REPS2: variants seen among roughly 807,000 people sequenced by gnomAD.
REPS2 encodes the protein RALBP1 associated Eps domain containing 2.
A neutral mutation model predicts 53.6 loss-of-function variants in REPS2; 23 were observed. That is an observed-to-expected ratio of 0.43 (90% CI 0.31 to 0.61). REPS2 has a LOEUF of 0.61. Ranked by LOEUF, REPS2 falls within the 20% of genes least tolerant of loss-of-function variation. REPS2 has a pLI of 0.11. For synonymous variants in REPS2, 238 were observed against 218.6 expected, an observed-to-expected ratio of 1.09 and a Z score of -0.78; for missense variants, 446 against 534.9, an observed-to-expected ratio of 0.83 and a Z score of 1.64.
chrX:16,951,287 A>G (rs1478380653), intron 1 of REPS2, among the ~76,000 whole-genome samples: 2 of 111,633 alleles, frequency 1.8e-5, no homozygotes, highest in East Asian at 2.8e-4. Context: ...CCATTCTGCC[A>G]TTTTCCACCT....
At chrX:17,133,489 CT>C (rs111543905) in intron 14 of REPS2, among the ~76,000 whole-genome samples, 2,803 of 112,036 alleles carry the variant, frequency 0.025, 94 homozygotes, top group African/African-American at 0.088. Context: ...AAGTTAAAAT[CT>C]TTGTTTTCAA....
At chrX:17,034,131 A>C (rs2061739187) in intron 5 of REPS2, among the ~76,000 whole-genome samples, 1 of 110,793 alleles carries the variant, frequency 9.0e-6, no homozygotes, top group Admixed American at 9.6e-5. Context: ...TATGTGTGCA[A>C]CTCAGCCAGA....
At chrX:17,160,555 G>C in the REPS2 span, among the ~76,000 whole-genome samples, 1 of 112,682 alleles carries the variant, frequency 8.9e-6, no homozygotes, top group Non-Finnish European at 1.9e-5. Flanking sequence ...CTGTTGGCTT[G>C]CACCAAAAGG....
chrX:17,165,983 G>A, the REPS2 span, among the ~76,000 whole-genome samples: 2 of 111,937 alleles, frequency 1.8e-5, no homozygotes, highest in Non-Finnish European at 3.8e-5. Context: ...GCAAGCTGTG[G>A]CTTCTTCTAA....
chrX:17,118,505 T>C lies in REPS2; in HGVS notation c.1578+14726T>C, dbSNP rs144409734. Among the ~76,000 whole-genome samples the C allele has an allele frequency of 5.6e-4, 63 of 111,627 alleles. 1 individual carries two copies. Among genetic ancestry groups the C allele is most frequent in the African/African-American group, 2.0e-3 (62 of 30,692 alleles). ...GCATATCATTTTATGTAAGGGGAAG[T>C]TGAGATTCAGAGAGCAGAAGTTAAC... On this transcript the variant is annotated intron_variant, in intron 14 of 17. Transcript: ENST00000357277.
chrX:16,965,116 G>C (rs765653910), intron 1 of REPS2, among the ~76,000 whole-genome samples: 1 of 86,303 alleles, frequency 1.2e-5, no homozygotes, highest in Non-Finnish European at 2.3e-5. Flanking sequence ...CCTCCCGGAC[G>C]GGGCGGCTGG....
At chrX:17,023,168 C>T (rs1242000537) in intron 3 of REPS2, among the ~76,000 whole-genome samples, 4 of 112,703 alleles carry the variant, frequency 3.5e-5, no homozygotes, top group East Asian at 2.8e-4. Flanking sequence ...TGGCTCACGC[C>T]TGTAATCCCA....
the REPS2 span, among the ~76,000 whole-genome samples, chrX:17,158,900 ATT>A: frequency 1.8e-5 from 2 of 111,888 alleles, no homozygotes; most frequent in Non-Finnish European, 3.8e-5. Flanking sequence ...ACATTTTCTC[ATT>A]CTTTACCTGA....
intron 5 of REPS2, among the ~76,000 whole-genome samples, chrX:17,030,329 G>A (rs1467794273): frequency 2.7e-5 from 3 of 110,245 alleles, no homozygotes; most frequent in African/African-American, 6.7e-5. Flanking sequence ...GTGTGTGTGT[G>A]TGTGTGTGTG....
the REPS2 span, among the ~76,000 whole-genome samples, chrX:17,182,658 T>C: frequency 1.3e-4 from 15 of 111,856 alleles, no homozygotes; most frequent in African/African-American, 4.9e-4. Flanking sequence ...AATAAAATTA[T>C]TTTTGTCCAT....
intron 14 of REPS2, among the ~76,000 whole-genome samples, chrX:17,119,868 C>CTTTTTTTTTTTTTTTTTTTTTTTTTT (rs35141257): frequency 2.5e-5 from 1 of 40,509 alleles, no homozygotes; most frequent in African/African-American, 1.2e-4. Flanking sequence ...CGCACTGTGA[C>CTTTTTTTTTTTTTTTTTTTTTTTTTT]TTTTTTTTTT....
chrX:16,947,054 C>T lies in REPS2; in HGVS notation c.193C>T (p.Pro65Ser). The T allele has an allele frequency of 9.6e-7, 1 of 1,036,803 alleles. No individual in the cohort carries two copies. Among genetic ancestry groups the T allele is most frequent in the Non-Finnish European group, 1.2e-6 (1 of 812,934 alleles). 85.4% of individuals were successfully genotyped at this position (1,036,803 alleles called of 1,213,427 possible). A position where few individuals can be genotyped will look rare whatever the true frequency, so the allele number is the denominator to read the frequency against. Residue 65 changes from proline (P) to serine (S), a missense_variant, in exon 1 of 18, where the codon CCC (proline) becomes TCC (serine). Pro to Ser is a moderately conservative substitution (Grantham distance 74, BLOSUM62 -1). Coordinates refer to ENST00000357277, the MANE Select transcript of REPS2 (RefSeq NM_004726.3). ...SGPPEAARVA[P>S]GTATAAAGPV... ...GCCCCCCGAGGCCGCCAGAGTCGCCCCCGGCACGGCCACTGCGGCCGCCGG... is the reference window on the plus strand; with the variant it reads ...GCCCCCCGAGGCCGCCAGAGTCGCCTCCGGCACGGCCACTGCGGCCGCCGG...
chrX:17,069,313 C>A (rs2062271817), intron 10 of REPS2, among the ~76,000 whole-genome samples: 1 of 112,057 alleles, frequency 8.9e-6, no homozygotes, highest in African/African-American at 3.2e-5. Context: ...GATTTACTAC[C>A]CATGAATGAG....
chrX:16,949,723 A>G (rs940456697), intron 1 of REPS2, among the ~76,000 whole-genome samples: 1 of 111,512 alleles, frequency 9.0e-6, no homozygotes, highest in African/African-American at 3.3e-5. Flanking sequence ...ATATTTTTTA[A>G]TAGACTATTT....
Position 16,950,064 on chromosome X carries a change from AT to A in REPS2, c.273+2946del, listed in dbSNP as rs765500800. Among the ~76,000 whole-genome samples the A allele has an allele frequency of 9.9e-3, 957 of 96,263 alleles. 5 individuals carry two copies. The highest frequency in any genetic ancestry group is 0.022 in the African/African-American group (580 of 26,539). 83.6% of individuals were successfully genotyped at this position (96,263 alleles called of 115,157 possible). A position where few individuals can be genotyped will look rare whatever the true frequency, so the allele number is the denominator to read the frequency against. On this transcript the variant is annotated intron_variant, in intron 1 of 17. Transcript: ENST00000357277. ...CTCCACTAACATGTGGCAATCACTG[AT>A]TTTTTTTTTTTTTTTACTGTCCCCA...
At chrX:17,010,335 T>C (rs1351621239) in intron 2 of REPS2, among the ~76,000 whole-genome samples, 1 of 112,228 alleles carries the variant, frequency 8.9e-6, no homozygotes, top group Non-Finnish European at 1.9e-5. Context: ...AATTACTTGT[T>C]AGCTAACAGT....
At chrX:17,073,096 T>G (rs767358058) in intron 11 of REPS2, among the ~76,000 whole-genome samples, 1 of 111,965 alleles carries the variant, frequency 8.9e-6, no homozygotes, top group Admixed American at 9.4e-5. Context: ...TGTCCTGTTA[T>G]CTAACCCAAG....
intron 1 of REPS2, among the ~76,000 whole-genome samples, chrX:16,982,054 T>C (rs1482860633): frequency 8.9e-6 from 1 of 111,992 alleles, no homozygotes; most frequent in Non-Finnish European, 1.9e-5. Context: ...TTCATATAAA[T>C]GGAATTACAC....
intron 1 of REPS2, among the ~76,000 whole-genome samples, chrX:16,953,901 G>A (rs1396602008): frequency 1.8e-5 from 2 of 111,638 alleles, no homozygotes; most frequent in Non-Finnish European, 3.8e-5. Context: ...ATTCTTGAGC[G>A]TGCTAGGGGA....
Sources: gnomAD v4.1 joint callset for allele counts (sites outside exome capture counted in the v4.1 genomes callset) on GRCh38, gnomAD v4.1.1 for gene constraint, MANE v1.5 for transcripts, NCBI Gene and HGNC (gene_info 2026-07-23, HGNC 2026-07-21) for gene names.